The following PTPRZ1 variants were observed in gnomAD, a reference collection of about 807,000 sequenced individuals.
PTPRZ1 encodes protein tyrosine phosphatase receptor type Z1, also known as receptor-type tyrosine-protein phosphatase zeta.
Under a neutral mutation model 214.1 loss-of-function variants are expected in PTPRZ1, and 82 were observed. That is an observed-to-expected ratio of 0.38 (90% CI 0.32 to 0.46). The LOEUF is 0.46. Among genes scored for constraint, PTPRZ1 ranks in the 20% least tolerant of loss-of-function variants. The pLI is 1.00. For missense variants in PTPRZ1, 2,603 were observed against 2,748.7 expected, an observed-to-expected ratio of 0.95 and a Z score of 1.19; for synonymous variants, 945 against 987.9, an observed-to-expected ratio of 0.96 and a Z score of 0.81.
intron 1 of PTPRZ1, among the ~76,000 whole-genome samples, chr7:121,895,641 A>G (rs552735746): frequency 1.3e-5 from 2 of 152,334 alleles, no homozygotes; most frequent in Middle Eastern, 6.8e-3. Context: ...CACTAGAAAT[A>G]AAGATCTCTC....
chr7:122,030,385 G>C (rs750608217), intron 14 of PTPRZ1, among the ~76,000 whole-genome samples: 6 of 152,012 alleles, frequency 3.9e-5, no homozygotes, highest in Non-Finnish European at 7.4e-5. Flanking sequence ...TAACATCAAG[G>C]GGTTTGAAGG....
At position 122,013,568 on chromosome 7, in the gene PTPRZ1, G is replaced by A; in HGVS notation, c.4522G>A (p.Ala1508Thr). The stretch of plus-strand genomic sequence containing the variant: ...CAGAAGTCCTGGTAAATCACCATCA[G>A]CAAATGGGCTATCCCAAAAGCACAA... The part of the protein sequence containing the change: ...MDRSPGKSPS[A>T]NGLSQKHNDG... The change falls in exon 12 of 30, where the codon GCA becomes ACA. Residue 1508 changes from alanine to threonine, a missense_variant. Transcript: ENST00000393386. 1 of 1,614,176 alleles carries A rather than the reference G, an allele frequency of 6.2e-7. No homozygotes were observed. Among genetic ancestry groups the A allele is most frequent in the Non-Finnish European group, 8.5e-7 (1 of 1,180,022 alleles).
intron 6 of PTPRZ1, among the ~76,000 whole-genome samples, chr7:121,979,831 T>C (rs1797549872): frequency 6.6e-6 from 1 of 152,148 alleles, no homozygotes; most frequent in Non-Finnish European, 1.5e-5. Flanking sequence ...CAAAACAAAA[T>C]GAAAACCACA....
At chr7:121,894,315 G>A (rs1198959145) in intron 1 of PTPRZ1, among the ~76,000 whole-genome samples, 1 of 152,130 alleles carries the variant, frequency 6.6e-6, no homozygotes, top group East Asian at 1.9e-4. Context: ...TTTATTTGAT[G>A]AATAATATGG....
At chr7:121,931,778 A>G (rs762247862) in intron 2 of PTPRZ1, among the ~76,000 whole-genome samples, 1 of 152,212 alleles carries the variant, frequency 6.6e-6, no homozygotes, top group Non-Finnish European at 1.5e-5. Flanking sequence ...AGGCTTTGAC[A>G]GATGGGTCTT....
intron 4 of PTPRZ1, among the ~76,000 whole-genome samples, chr7:121,974,003 C>A (rs891902724): frequency 7.3e-6 from 1 of 137,904 alleles, no homozygotes. Flanking sequence ...TAATGATTTT[C>A]TCTGGGTGAT....
chr7:121,935,767 A>G (rs1363977895), intron 2 of PTPRZ1, among the ~76,000 whole-genome samples: 1 of 151,930 alleles, frequency 6.6e-6, no homozygotes, highest in Non-Finnish European at 1.5e-5. Flanking sequence ...ATGGGGTTTC[A>G]CCGTGTTAGC....
intron 2 of PTPRZ1, among the ~76,000 whole-genome samples, chr7:121,941,073 T>C (rs1189501084): frequency 5.3e-5 from 8 of 152,238 alleles, no homozygotes; most frequent in Non-Finnish European, 1.2e-4. Flanking sequence ...CCTCTCTCTT[T>C]GTTGCAGTGC....
At chr7:122,039,036 C>A in intron 19 of PTPRZ1, 147 bp downstream of exon 19, 1 of 804,790 alleles carries the variant, frequency 1.2e-6, no homozygotes, top group Admixed American at 2.7e-5. Context: ...TAAAGGGAAA[C>A]TGTTAATACT....
intron 2 of PTPRZ1, among the ~76,000 whole-genome samples, chr7:121,938,306 G>A (rs1166951653): frequency 6.6e-6 from 1 of 152,132 alleles, no homozygotes; most frequent in African/African-American, 2.4e-5. Flanking sequence ...AGCCAAATAG[G>A]TACAACCCAT....
Position 121,990,182 on chromosome 7 carries a change from G to T in PTPRZ1, c.928+6065G>T, listed in dbSNP as rs118184483. Among the ~76,000 whole-genome samples the T allele has an allele frequency of 2.7e-3, 411 of 152,192 alleles. 16 individuals are homozygous for T. The East Asian group carries it at 0.074, about 27-fold the overall frequency. ...AGAAGTAAAAGCTAGCATAAAAATT[G>T]TCAAAATCTTGCTCTCAATAAATGC... On this transcript the variant is annotated intron_variant, in intron 8 of 29. Transcript: ENST00000393386.
chr7:122,012,945 T>C lies in PTPRZ1; in HGVS notation c.3899T>C (p.Ile1300Thr), dbSNP rs768376594. The C allele has an allele frequency of 1.5e-5, 24 of 1,613,986 alleles. No homozygotes were observed. The highest frequency in any genetic ancestry group is 2.0e-5 in the Non-Finnish European group (24 of 1,179,946). ...TTGTTCCAAACGGCCAATTTGGAGA[T>C]TAACCAGGCCCATCCCCCAAAAGGA... ...DELFQTANLEINQAHPPKGRH... is the reference protein window; with the variant it reads ...DELFQTANLETNQAHPPKGRH... Residue 1300 changes from isoleucine to threonine, a missense_variant, in exon 12 of 30, where the codon ATT becomes ACT. Transcript: ENST00000393386.
At chr7:121,933,125 G>T (rs1241895348) in intron 2 of PTPRZ1, among the ~76,000 whole-genome samples, 1 of 131,364 alleles carries the variant, frequency 7.6e-6, no homozygotes, top group Non-Finnish European at 1.6e-5. Flanking sequence ...AGTTTTCTAT[G>T]ACAATTCCTA....
intron 1 of PTPRZ1, among the ~76,000 whole-genome samples, chr7:121,925,464 T>G (rs1183190256): frequency 1.3e-5 from 2 of 152,184 alleles, no homozygotes; most frequent in Non-Finnish European, 2.9e-5. Flanking sequence ...ACAACACAAG[T>G]GTCTATTACT....
intron 14 of PTPRZ1, among the ~76,000 whole-genome samples, chr7:122,028,902 A>C (rs1799287187): frequency 6.6e-6 from 1 of 152,064 alleles, no homozygotes; most frequent in African/African-American, 2.4e-5. Flanking sequence ...TTATGTTAAA[A>C]ACATAAACAT....
chr7:121,940,654 C>T (rs1001305662), intron 2 of PTPRZ1, among the ~76,000 whole-genome samples: 31 of 152,170 alleles, frequency 2.0e-4, no homozygotes, highest in African/African-American at 6.8e-4. Flanking sequence ...AGAATAGTGT[C>T]TGGTGCATAT....
intron 21 of PTPRZ1, 146 bp downstream of exon 21, chr7:122,041,125 T>G: frequency 1.4e-6 from 1 of 708,562 alleles, no homozygotes; most frequent in Non-Finnish European, 2.0e-6. Context: ...TAAGTATTGA[T>G]CACTAGGAAA....
At chr7:121,915,175 GATCACC>G (rs1795388523) in intron 1 of PTPRZ1, among the ~76,000 whole-genome samples, 1 of 152,134 alleles carries the variant, frequency 6.6e-6, no homozygotes, top group Non-Finnish European at 1.5e-5. Context: ...CCTTGGAATG[GATCACC>G]ATCCCAAATC....
chr7:121,946,046 G>A (rs1344191680), intron 2 of PTPRZ1, among the ~76,000 whole-genome samples: 2 of 152,190 alleles, frequency 1.3e-5, no homozygotes, highest in African/African-American at 4.8e-5. Context: ...TATAGTATTG[G>A]AAGTTGCTCA....
Sources: allele counts gnomAD v4.1 joint callset (sites outside exome capture counted in the v4.1 genomes callset), GRCh38; gene constraint gnomAD v4.1.1; transcripts MANE v1.5; gene names NCBI Gene and HGNC (gene_info 2026-07-23, HGNC 2026-07-21).